Variants in SYN2 observed in about 807,000 individuals in gnomAD.
SYN2 encodes synapsin-2.
A neutral mutation model predicts 50.9 loss-of-function variants in SYN2; 19 were observed. That is an observed-to-expected ratio of 0.37 (90% confidence interval 0.26 to 0.55). The LOEUF (loss-of-function observed/expected upper bound fraction) is 0.55. Ranked by LOEUF, SYN2 falls within the 20% of genes least tolerant of loss-of-function variation. The probability of loss-of-function intolerance (pLI) is 0.81; values close to 1 mark genes in which losing one functional copy is unlikely to be tolerated. For synonymous variants in SYN2, 255 were observed against 224.9 expected (o/e 1.13, Z -1.20); for missense variants, 587 against 576.4 (o/e 1.02, Z -0.19).
chr3:12,065,658 C>T (rs947043208), intron 1 of SYN2, among the ~76,000 whole-genome samples: 14 of 151,952 alleles, frequency 9.2e-5, no homozygotes, highest in Non-Finnish European at 1.8e-4. Flanking sequence ...ATTGGGTACT[C>T]GTAGACATAA....
chr3:12,013,361 C>T (rs973113721), intron 1 of SYN2, among the ~76,000 whole-genome samples: 2 of 152,242 alleles, frequency 1.3e-5, no homozygotes, highest in South Asian at 4.2e-4. Flanking sequence ...GATGTTCCTC[C>T]GGGCCCCCTT....
At chr3:12,150,907 C>T (rs2125224605) in intron 4 of SYN2, among the ~76,000 whole-genome samples, 1 of 152,308 alleles carries the variant, frequency 6.6e-6, no homozygotes, top group East Asian at 1.9e-4. Flanking sequence ...CCAGCTTCAC[C>T]TTGCAGTTCT....
chr3:12,093,508 A>T (rs1308778580), intron 1 of SYN2, among the ~76,000 whole-genome samples: 1 of 152,204 alleles, frequency 6.6e-6, no homozygotes, highest in Non-Finnish European at 1.5e-5. Context: ...TAGCTAGTTT[A>T]ATGATGGCTC....
At chr3:12,185,162 C>G in intron 11 of SYN2, 1 of 985,856 alleles carries the variant, frequency 1.0e-6, no homozygotes, top group Non-Finnish European at 1.2e-6. Flanking sequence ...CATATTTGCA[C>G]TTCCAGATGG....
intron 1 of SYN2, among the ~76,000 whole-genome samples, chr3:12,108,525 G>A (rs2125193926): frequency 6.6e-6 from 1 of 152,306 alleles, no homozygotes; most frequent in Admixed American, 6.5e-5. Context: ...TGGGAAGAGG[G>A]CTTTGACTTA....
intron 1 of SYN2, among the ~76,000 whole-genome samples, chr3:12,134,041 C>T (rs529217574): frequency 2.0e-5 from 3 of 152,064 alleles, no homozygotes; most frequent in South Asian, 2.1e-4. Context: ...GGTGGTTGCA[C>T]GACATTGTGA....
chr3:12,121,245 A>G (rs545119837), intron 1 of SYN2, among the ~76,000 whole-genome samples: 2 of 152,292 alleles, frequency 1.3e-5, no homozygotes, highest in East Asian at 1.9e-4. Flanking sequence ...TTCTGCTTAC[A>G]CATTATATTT....
chr3:12,014,284 C>A (rs1693975471), intron 1 of SYN2, among the ~76,000 whole-genome samples: 1 of 152,022 alleles, frequency 6.6e-6, no homozygotes. Flanking sequence ...GCAAGAGAGT[C>A]AAAGGATGAG....
At chr3:12,055,731 ATAAATGGTATTACTCT>A (rs1356197285) in intron 1 of SYN2, among the ~76,000 whole-genome samples, 2 of 152,198 alleles carry the variant, frequency 1.3e-5, no homozygotes, top group Non-Finnish European at 2.9e-5. Flanking sequence ...TGATGCTATT[ATAAATGGTATTACTCT>A]TTGAATTTCA....
chr3:12,117,870 T>C (rs965658241), intron 1 of SYN2, among the ~76,000 whole-genome samples: 2 of 152,186 alleles, frequency 1.3e-5, no homozygotes, highest in African/African-American at 4.8e-5. Context: ...CTTCCTATCT[T>C]GGCCCTCTGT....
At chr3:12,177,033 A>T (rs945506038) in intron 10 of SYN2, among the ~76,000 whole-genome samples, 1 of 152,174 alleles carries the variant, frequency 6.6e-6, no homozygotes, top group African/African-American at 2.4e-5. Flanking sequence ...CAAGCCTGAC[A>T]TGCTGAGATC....
chr3:12,185,709 A>G, intron 11 of SYN2: 1 of 985,878 alleles, frequency 1.0e-6, no homozygotes, highest in Non-Finnish European at 1.2e-6. Flanking sequence ...ATGTGCAATA[A>G]AGGAAAAGTT....
intron 1 of SYN2, among the ~76,000 whole-genome samples, chr3:12,010,711 T>C (rs961004992): frequency 2.0e-5 from 3 of 152,252 alleles, no homozygotes; most frequent in Admixed American, 2.0e-4. Flanking sequence ...CCATTTTCTT[T>C]TAAAAGCATT....
intron 1 of SYN2, among the ~76,000 whole-genome samples, chr3:12,078,520 A>G (rs1695520326): frequency 6.6e-6 from 1 of 152,170 alleles, no homozygotes; most frequent in African/African-American, 2.4e-5. Context: ...TTTTCTGCAT[A>G]TGGCTAGCTA....
intron 1 of SYN2, among the ~76,000 whole-genome samples, chr3:12,129,165 G>C (rs373907876): frequency 1.7e-4 from 26 of 151,996 alleles, no homozygotes; most frequent in African/African-American, 6.3e-4. Context: ...ATGATGGAGG[G>C]GGCACAGAGG....
rs1697830700 is a variant in SYN2, at chr3:12,167,436, G to T, written c.1055+128G>T. ...AAACCGGACAGATAAAACACAAAAG[G>T]CCCAAGTAGCCCATTTAGCAAGATC... On this transcript the variant is annotated intron_variant, in intron 8 of 12. Transcript: ENST00000621198. The T allele has an allele frequency of 7.1e-6, 6 of 840,824 alleles. 1 individual carries two copies. Among genetic ancestry groups the T allele is most frequent in the Non-Finnish European group, 1.1e-5 (6 of 525,942 alleles). The allele number at this position is 840,824 out of a possible 1,614,324, so 52.1% of individuals were successfully genotyped here.
At chr3:12,183,221 C>T in intron 10 of SYN2, 91 bp from the exon 11 acceptor site, 1 of 1,495,832 alleles carries the variant, frequency 6.7e-7, no homozygotes, top group Middle Eastern at 1.9e-4. Flanking sequence ...CACCGGATTC[C>T]ACTGCGGCCT....
intron 1 of SYN2, among the ~76,000 whole-genome samples, chr3:12,075,045 A>G (rs1695438855): frequency 6.6e-6 from 1 of 152,162 alleles, no homozygotes; most frequent in Non-Finnish European, 1.5e-5. Flanking sequence ...ATCATTGCAC[A>G]TCTGTTTAAT....
At chr3:12,098,082 C>G (rs949420441) in intron 1 of SYN2, among the ~76,000 whole-genome samples, 5 of 152,054 alleles carry the variant, frequency 3.3e-5, no homozygotes, top group South Asian at 2.1e-4. Context: ...TTTGAACACA[C>G]CATAATCAAA....
Sources: allele counts gnomAD v4.1 joint callset (sites outside exome capture counted in the v4.1 genomes callset), GRCh38; gene constraint gnomAD v4.1.1; transcripts MANE v1.5; gene names NCBI Gene and HGNC (gene_info 2026-07-23, HGNC 2026-07-21).